DMD: variants seen among roughly 807,000 people sequenced by gnomAD.
DMD encodes the protein mutant dystrophin.
A neutral mutation model predicts 330.1 loss-of-function variants in DMD; 63 were observed. The observed-to-expected ratio is 0.19, with a 90% CI of 0.16 to 0.24. The LOEUF (loss-of-function observed/expected upper bound fraction) is 0.24, where lower values mean the gene tolerates loss of function less well. DMD is among the 10% of genes least tolerant of loss of function. The pLI, the probability that DMD is intolerant of heterozygous loss-of-function variation, is 1.00. For synonymous variants in DMD, 1,223 were observed against 959.8 expected (o/e 1.27, Z -5.07); for missense variants, 3,344 against 2,684.1 (o/e 1.25, Z -5.43).
At chrX:32,389,769 G>A in intron 31 of DMD, 95 bp from the exon 32 acceptor site, 1 of 861,178 alleles carries the variant, frequency 1.2e-6, no homozygotes, top group Non-Finnish European at 1.7e-6. Context: ...TATTTCTGAA[G>A]ATATACAGAA....
intron 13 of DMD, among the ~76,000 whole-genome samples, chrX:32,585,467 C>A (rs1379762054): frequency 9.2e-6 from 1 of 109,275 alleles, no homozygotes; most frequent in Non-Finnish European, 1.9e-5. Flanking sequence ...TTTGGGAGGC[C>A]GAGGCTGGCG....
chrX:31,216,268 A>C (rs964013858), intron 64 of DMD, among the ~76,000 whole-genome samples: 32 of 112,477 alleles, frequency 2.8e-4, no homozygotes, highest in Non-Finnish European at 1.7e-4. Flanking sequence ...ACCAATAATT[A>C]CTAGAAAACG....
chrX:31,622,792 A>T (rs2078608105), intron 55 of DMD, among the ~76,000 whole-genome samples: 1 of 104,967 alleles, frequency 9.5e-6, no homozygotes, highest in Admixed American at 1.1e-4. Flanking sequence ...ACCACGACAC[A>T]TGGCAGGTGT....
At chrX:31,317,912 G>A (rs1250229889) in intron 62 of DMD, among the ~76,000 whole-genome samples, 5 of 111,843 alleles carry the variant, frequency 4.5e-5, no homozygotes, top group Non-Finnish European at 7.5e-5. Context: ...GCCAACACAG[G>A]GATATTTAAC....
intron 29 of DMD, among the ~76,000 whole-genome samples, chrX:32,427,418 A>C (rs957957158): frequency 5.4e-5 from 6 of 111,136 alleles, no homozygotes; most frequent in African/African-American, 2.0e-4. Context: ...TTAGCATGTA[A>C]ATTTTATTTA....
In DMD at chrX:33,065,887, G is replaced by C. The variant is rs2094646621; in HGVS notation, c.32-45687C>G. Reference sequence around the variant, plus strand: ...CCTTAGAATTACAACTGTGTGTTTAGACAATAAAACCGAAGGATTTGCCTC... The same window carrying C: ...CCTTAGAATTACAACTGTGTGTTTACACAATAAAACCGAAGGATTTGCCTC... On this transcript the variant is annotated intron_variant, in intron 1 of 78. Transcript: ENST00000357033. Among the ~76,000 whole-genome samples, 8 of 111,601 alleles carry C rather than the reference G, an allele frequency of 7.2e-5. No individual in the cohort carries two copies. In the Admixed American group the frequency reaches 7.6e-4, roughly 11 times the overall value.
chrX:31,469,928 G>A (rs6527090), intron 59 of DMD, among the ~76,000 whole-genome samples: 27,194 of 109,596 alleles, frequency 0.25, 3,140 homozygotes, highest in African/African-American at 0.44. Context: ...TTGATCTTCA[G>A]TCTCTGATAT....
intron 50 of DMD, among the ~76,000 whole-genome samples, chrX:31,796,477 A>G (rs1027346556): frequency 8.9e-6 from 1 of 112,167 alleles, no homozygotes; most frequent in Non-Finnish European, 1.9e-5. Context: ...GATAACATCA[A>G]TTTTACATAT....
At chrX:31,729,959 T>C (rs2086377431) in intron 51 of DMD, among the ~76,000 whole-genome samples, 1 of 112,218 alleles carries the variant, frequency 8.9e-6, no homozygotes, top group African/African-American at 3.2e-5. Flanking sequence ...ATCTTGACTA[T>C]AGATTTTCTT....
intron 1 of DMD, among the ~76,000 whole-genome samples, chrX:33,317,674 G>C (rs1367000106): frequency 9.0e-6 from 1 of 111,366 alleles, no homozygotes. Flanking sequence ...CCTTCCATTA[G>C]TCTGTTAGTT....
At chrX:31,307,292 T>G (rs187018345) in intron 62 of DMD, among the ~76,000 whole-genome samples, 69 of 112,017 alleles carry the variant, frequency 6.2e-4, no homozygotes, top group African/African-American at 2.1e-3. Context: ...GAAAACAAGA[T>G]TAGTATGCTC....
chrX:31,328,103 C>A (rs1307437169), intron 61 of DMD, among the ~76,000 whole-genome samples: 1 of 111,874 alleles, frequency 8.9e-6, no homozygotes, highest in African/African-American at 3.2e-5. Context: ...TATGGATGTA[C>A]CATGATTTAT....
At chrX:31,260,154 C>T (rs2050367404) in intron 63 of DMD, among the ~76,000 whole-genome samples, 2 of 111,531 alleles carry the variant, frequency 1.8e-5, no homozygotes, top group South Asian at 7.6e-4. Flanking sequence ...GGCAGAAGAA[C>T]CGCCATGAGC....
chrX:31,587,647 T>G (rs990370293), intron 55 of DMD, among the ~76,000 whole-genome samples: 5 of 111,657 alleles, frequency 4.5e-5, no homozygotes, highest in African/African-American at 6.5e-5. Context: ...AAGGCCCTTA[T>G]GACTTTTTCT....
At chrX:32,679,964 G>C (rs995608480) in intron 9 of DMD, among the ~76,000 whole-genome samples, 16 of 85,806 alleles carry the variant, frequency 1.9e-4, no homozygotes, top group African/African-American at 6.3e-4. Flanking sequence ...ACCCAGGCTG[G>C]AGTGCAGTGG....
chrX:31,401,106 AAATG>A (rs1318655166), intron 60 of DMD, among the ~76,000 whole-genome samples: 2 of 111,748 alleles, frequency 1.8e-5, no homozygotes, highest in African/African-American at 6.5e-5. Context: ...CTTAGGAAGA[AAATG>A]AATGATTCTT....
At chrX:32,702,407 C>T (rs1195645626) in intron 7 of DMD, among the ~76,000 whole-genome samples, 2 of 111,128 alleles carry the variant, frequency 1.8e-5, no homozygotes, top group Admixed American at 9.6e-5. Context: ...GTAGAATAAA[C>T]ATGCAGAGGT....
intron 2 of DMD, among the ~76,000 whole-genome samples, chrX:32,949,154 T>C (rs1301806275): frequency 9.1e-6 from 1 of 110,413 alleles, no homozygotes; most frequent in Non-Finnish European, 1.9e-5. Flanking sequence ...CACCCATCTA[T>C]TGTCTTGCTA....
At chrX:31,807,113 C>G (rs765613391) in intron 50 of DMD, among the ~76,000 whole-genome samples, 1 of 111,328 alleles carries the variant, frequency 9.0e-6, no homozygotes, top group Admixed American at 9.6e-5. Flanking sequence ...CTCTATGTTT[C>G]TGGTTTGTGT....
Sources: allele counts gnomAD v4.1 joint callset (sites outside exome capture counted in the v4.1 genomes callset), GRCh38; gene constraint gnomAD v4.1.1; transcripts MANE v1.5; gene names NCBI Gene and HGNC (gene_info 2026-07-23, HGNC 2026-07-21).